The following ASTN1 variants were observed in gnomAD, a reference collection of about 807,000 sequenced individuals.
ASTN1 encodes astrotactin 1.
In ASTN1, 41 loss-of-function variants were observed where a neutral mutation model predicts 140.7. The ratio of observed to expected loss-of-function variants is 0.29; its 90% CI spans 0.23 to 0.38. ASTN1 has a LOEUF of 0.38. ASTN1 is among the 10% of genes least tolerant of loss of function. The probability of loss-of-function intolerance (pLI) is 1.00; values close to 1 mark genes in which losing one functional copy is unlikely to be tolerated. For missense variants in ASTN1, 1,479 were observed against 1,678.8 expected, an observed-to-expected ratio of 0.88 and a Z score of 2.08; for synonymous variants, 640 against 652.2, an observed-to-expected ratio of 0.98 and a Z score of 0.29.
chr1:177,152,305 C>A (rs904453423), intron 1 of ASTN1, among the ~76,000 whole-genome samples: 2 of 152,024 alleles, frequency 1.3e-5, no homozygotes, highest in African/African-American at 2.4e-5. Flanking sequence ...AAACTGATAA[C>A]AGTAAAATGA....
chr1:177,164,322 G>A, intron 1 of ASTN1, 72 bp downstream of exon 1: 1 of 1,427,298 alleles, frequency 7.0e-7, no homozygotes, highest in Admixed American at 2.5e-5. Flanking sequence ...TGGGTGTGTA[G>A]AGCGAGCTGG....
chr1:177,132,634 G>A (rs1419476936), intron 1 of ASTN1, among the ~76,000 whole-genome samples: 1 of 152,140 alleles, frequency 6.6e-6, no homozygotes, highest in East Asian at 1.9e-4. Context: ...TACCAACTGG[G>A]TAATGGCTAG....
At chr1:177,045,111 A>G (rs1187989450) in intron 2 of ASTN1, among the ~76,000 whole-genome samples, 1 of 152,094 alleles carries the variant, frequency 6.6e-6, no homozygotes, top group Non-Finnish European at 1.5e-5. Context: ...CCCAGCACAC[A>G]TCTATCTCCT....
intron 8 of ASTN1, among the ~76,000 whole-genome samples, chr1:177,005,314 G>T (rs1674939086): frequency 1.3e-5 from 2 of 152,046 alleles, no homozygotes; most frequent in Admixed American, 1.3e-4. Flanking sequence ...TTATTAAAAA[G>T]ACAAAAAACA....
intron 1 of ASTN1, among the ~76,000 whole-genome samples, chr1:177,111,813 G>C (rs1680834054): frequency 6.6e-6 from 1 of 152,126 alleles, no homozygotes; most frequent in South Asian, 2.1e-4. Flanking sequence ...CCTTTTGTAT[G>C]GTGGGCTTTT....
intron 16 of ASTN1, among the ~76,000 whole-genome samples, chr1:176,900,342 C>T (rs1669712233): frequency 6.6e-6 from 1 of 152,178 alleles, no homozygotes; most frequent in Admixed American, 6.5e-5. Context: ...TCATTTCCTC[C>T]GTACTCTCCT....
intron 10 of ASTN1, 112 bp downstream of exon 10, chr1:176,958,233 A>G (rs1456750705): frequency 6.5e-6 from 10 of 1,542,092 alleles, no homozygotes; most frequent in Non-Finnish European, 8.8e-6. Context: ...CTGCCTGCCA[A>G]TTTTTCCTTT....
intron 1 of ASTN1, among the ~76,000 whole-genome samples, chr1:177,067,887 G>A (rs897507133): frequency 3.5e-4 from 53 of 151,596 alleles, no homozygotes; most frequent in African/African-American, 1.2e-3. Context: ...ACTAACCCGG[G>A]AAACAATGGC....
intron 21 of ASTN1, among the ~76,000 whole-genome samples, chr1:176,874,229 C>T (rs1240042645): frequency 1.3e-5 from 2 of 152,232 alleles, no homozygotes; most frequent in Non-Finnish European, 2.9e-5. Flanking sequence ...CCTCTGCAGA[C>T]AGTCTCTCAT....
chr1:176,923,477 GC>G (rs1670825865), intron 16 of ASTN1, among the ~76,000 whole-genome samples: 1 of 152,000 alleles, frequency 6.6e-6, no homozygotes, highest in Non-Finnish European at 1.5e-5. Context: ...AATACAGCAG[GC>G]CCCCATCATC....
At position 177,045,585 on chromosome 1, in the gene ASTN1, C is replaced by T. The variant is rs147094195; in HGVS notation, c.472-12736G>A. Among the ~76,000 whole-genome samples the T allele has an allele frequency of 3.5e-4, 53 of 152,204 alleles. 1 individual carries two copies. The highest frequency in any genetic ancestry group is 1.2e-3 in the African/African-American group (50 of 41,534). ...TGGTTTCATTTCCCATGAGGATGCT[C>T]AAATGCAAGGTGCATGATACATCAC... On this transcript the variant is annotated intron_variant, in intron 2 of 22. Transcript: ENST00000361833.
intron 8 of ASTN1, among the ~76,000 whole-genome samples, chr1:177,002,139 G>A (rs886471255): frequency 6.6e-6 from 1 of 152,076 alleles, no homozygotes; most frequent in African/African-American, 2.4e-5. Context: ...CAACTCTGGT[G>A]TTGCCTATAT....
chr1:176,900,749 C>T (rs539949527), intron 16 of ASTN1, among the ~76,000 whole-genome samples: 5 of 152,250 alleles, frequency 3.3e-5, no homozygotes, highest in South Asian at 2.1e-4. Context: ...TAATATAATT[C>T]GCAAAGACAG....
intron 1 of ASTN1, among the ~76,000 whole-genome samples, chr1:177,066,180 C>T (rs1022085460): frequency 6.6e-6 from 1 of 152,318 alleles, no homozygotes; most frequent in East Asian, 1.9e-4. Context: ...TTTCCCTCTG[C>T]ACATAGGGTG....
In ASTN1 at chr1:177,030,868, T is replaced by A; in HGVS notation, c.950A>T (p.Gln317Leu). ...ATSPVDSNHQ[Q>L]ATLLSHTSSS... ...GGAGGTGTGAGAGAGAAGGGTGGCT[T>A]GCTGGTGGTTGGAGTCCACAGGGCT... The change falls in exon 4 of 23, where the codon CAA becomes CTA. Residue 317 changes from glutamine (Q) to leucine (L), a missense_variant. Around this residue, in one of 3 missense-constraint regions of ASTN1, gnomAD observed 729 missense variants for 860.4 expected, o/e 0.85. Coordinates refer to ENST00000361833, the MANE Select transcript of ASTN1 (RefSeq NM_004319.3). The A allele has an allele frequency of 3.7e-6, 6 of 1,614,194 alleles. No homozygotes were observed. Among genetic ancestry groups the A allele is most frequent in the Non-Finnish European group, 5.1e-6 (6 of 1,180,022 alleles).
At chr1:176,935,642 T>C (rs1484263787) in intron 15 of ASTN1, among the ~76,000 whole-genome samples, 1 of 152,184 alleles carries the variant, frequency 6.6e-6, no homozygotes, top group Non-Finnish European at 1.5e-5. Context: ...TTCCTCCCAT[T>C]GGCCCTAAGG....
At chr1:177,077,337 G>A (rs1678966299) in intron 1 of ASTN1, among the ~76,000 whole-genome samples, 1 of 152,086 alleles carries the variant, frequency 6.6e-6, no homozygotes, top group Non-Finnish European at 1.5e-5. Context: ...TGACGAGCAC[G>A]CTAGTTAGTT....
At chr1:177,032,396 C>A in intron 3 of ASTN1, 60 bp downstream of exon 3, 1 of 1,570,052 alleles carries the variant, frequency 6.4e-7, no homozygotes, top group South Asian at 1.2e-5. Flanking sequence ...TGTTCCTACC[C>A]ACTCCCCAGC....
At chr1:176,913,006 G>A (rs1670315674) in intron 16 of ASTN1, among the ~76,000 whole-genome samples, 1 of 152,166 alleles carries the variant, frequency 6.6e-6, no homozygotes, top group African/African-American at 2.4e-5. Context: ...CCCACGGAAG[G>A]TCGTGCCCAC....
Sources: gnomAD v4.1 joint callset for allele counts (sites outside exome capture counted in the v4.1 genomes callset) on GRCh38, gnomAD v4.1.1 for gene constraint, gnomAD v4.1.1 regional missense constraint, MANE v1.5 for transcripts, NCBI Gene and HGNC (gene_info 2026-07-23, HGNC 2026-07-21) for gene names.